Variants in ABCA13 observed in about 807,000 individuals in gnomAD.
The protein encoded by ABCA13 is ATP-binding cassette sub-family A member 13.
In ABCA13, 476 loss-of-function variants were observed where a neutral mutation model predicts 478.7. That is an observed-to-expected ratio of 0.99 (90% CI 0.92 to 1.07). ABCA13 has a LOEUF of 1.07. Among genes scored for constraint, ABCA13 ranks in the 50% least tolerant of loss-of-function variants. The probability of loss-of-function intolerance (pLI) is 0.00; values close to 1 mark genes in which losing one functional copy is unlikely to be tolerated. For missense variants in ABCA13, 6,060 were observed against 5,910.6 expected (o/e 1.03, Z -0.83); for synonymous variants, 2,252 against 2,158.9 (o/e 1.04, Z -1.20).
chr7:48,493,043 A>T (rs530789895), intron 48 of ABCA13, among the ~76,000 whole-genome samples: 1 of 152,292 alleles, frequency 6.6e-6, no homozygotes, highest in South Asian at 2.1e-4. Context: ...AGTCTCAGGT[A>T]TTCTATTATA....
In ABCA13 at chr7:48,511,108, CTG is replaced by C; in HGVS notation, c.13555_13556del (p.Val4519CysfsTer80). The C allele has an allele frequency of 1.2e-6, 2 of 1,613,648 alleles. No homozygotes were observed. Among genetic ancestry groups the C allele is most frequent in the Non-Finnish European group, 1.7e-6 (2 of 1,179,670 alleles). ...DMLFYLVSVC[L>X]CVAVIVAFQL... is the part of the protein sequence containing the mutation. ...GCTCTTTTACTTGGTTTCCGTCTGC[CTG>C]TGTGTTGCCGTTATTGTCGCCTTCC... On this transcript the variant is annotated frameshift_variant, in exon 51 of 62. Transcript: ENST00000435803. LOFTEE classifies it high-confidence loss of function.
At chr7:48,588,154 T>A (rs533831527) in intron 57 of ABCA13, among the ~76,000 whole-genome samples, 1 of 152,330 alleles carries the variant, frequency 6.6e-6, no homozygotes, top group African/African-American at 2.4e-5. Flanking sequence ...CGTTTGCTGG[T>A]TGTCTCCTGG....
At chr7:48,369,560 A>AT (rs982192436) in intron 32 of ABCA13, among the ~76,000 whole-genome samples, 2 of 152,036 alleles carry the variant, frequency 1.3e-5, no homozygotes, top group African/African-American at 4.8e-5. Flanking sequence ...CCTTGAGTTG[A>AT]TTTTTGTATA....
chr7:48,628,125 A>T (rs578215064), intron 59 of ABCA13, among the ~76,000 whole-genome samples: 1 of 152,274 alleles, frequency 6.6e-6, no homozygotes, highest in South Asian at 2.1e-4. Context: ...TCCCAAGAAA[A>T]ACACATGACT....
chr7:48,481,199 A>T, intron 46 of ABCA13, 45 bp downstream of exon 46: 1 of 1,404,662 alleles, frequency 7.1e-7, no homozygotes, highest in Non-Finnish European at 9.8e-7. Flanking sequence ...TTGGATTACT[A>T]TGGAAAACTT....
chr7:48,175,030 C>T (rs1293827567), intron 1 of ABCA13, among the ~76,000 whole-genome samples: 1 of 152,182 alleles, frequency 6.6e-6, no homozygotes, highest in African/African-American at 2.4e-5. Context: ...GGTAAGGAAA[C>T]ATTGCTTTTG....
intron 7 of ABCA13, among the ~76,000 whole-genome samples, chr7:48,232,190 C>T (rs948841245): frequency 1.1e-4 from 11 of 102,570 alleles, no homozygotes; most frequent in African/African-American, 3.6e-4. Flanking sequence ...AAAGCTAGCT[C>T]ATTAACGTTT....
At chr7:48,341,833 GATATATATATATATA>G (rs1563084371) in intron 29 of ABCA13, among the ~76,000 whole-genome samples, 15 of 71,348 alleles carry the variant, frequency 2.1e-4, no homozygotes, top group African/African-American at 7.1e-4. Flanking sequence ...ATATCTTTCT[GATATATATATATATA>G]TCTTTCTGAT....
At chr7:48,281,530 T>C in intron 19 of ABCA13, 78 bp downstream of exon 19, 1 of 1,252,118 alleles carries the variant, frequency 8.0e-7, no homozygotes, top group Non-Finnish European at 1.1e-6. Context: ...GAGATGAGTA[T>C]ATTGCACTTG....
chr7:48,213,072 A>T (rs1785914529), intron 3 of ABCA13, among the ~76,000 whole-genome samples: 1 of 151,998 alleles, frequency 6.6e-6, no homozygotes, highest in Non-Finnish European at 1.5e-5. Context: ...TTATAGGTAC[A>T]ATTTATTTTC....
chr7:48,334,457 C>G (rs1225334763), intron 27 of ABCA13, among the ~76,000 whole-genome samples: 1 of 151,990 alleles, frequency 6.6e-6, no homozygotes, highest in Non-Finnish European at 1.5e-5. Flanking sequence ...GCCTCAGCCT[C>G]CCAAGTAGCT....
chr7:48,245,990 C>A lies in ABCA13; in HGVS notation c.1619C>A (p.Thr540Lys). 1 of 1,613,612 alleles carries A rather than the reference C, an allele frequency of 6.2e-7. No individual in the cohort carries two copies. The highest frequency in any genetic ancestry group is 8.5e-7 in the Non-Finnish European group (1 of 1,179,708). The change falls in exon 13 of 62, where the codon ACG becomes AAG. Residue 540 changes from threonine (T) to lysine (K), a missense_variant. Thr to Lys is a moderately conservative substitution (Grantham distance 78). Transcript: ENST00000435803. ...GLLCYCNSSE[T>K]SVLNKLLGSV... ...TTGTGCTATTGTAACTCCTCTGAGACGAGTGTTTTAAACAAGCTACTTGGT... is the reference window on the plus strand; with the variant it reads ...TTGTGCTATTGTAACTCCTCTGAGAAGAGTGTTTTAAACAAGCTACTTGGT...
chr7:48,592,960 A>G (rs781099748), intron 57 of ABCA13, among the ~76,000 whole-genome samples: 1 of 151,948 alleles, frequency 6.6e-6, no homozygotes, highest in African/African-American at 2.4e-5. Flanking sequence ...TGTGTATCCA[A>G]AAAAACTGTA....
intron 3 of ABCA13, among the ~76,000 whole-genome samples, chr7:48,199,561 T>C (rs980346687): frequency 2.0e-5 from 3 of 152,140 alleles, no homozygotes; most frequent in African/African-American, 7.2e-5. Context: ...ACGTAAAAAT[T>C]TGGGGATGGG....
At chr7:48,582,734 T>C (rs1198554754) in intron 56 of ABCA13, among the ~76,000 whole-genome samples, 1 of 152,164 alleles carries the variant, frequency 6.6e-6, no homozygotes, top group Non-Finnish European at 1.5e-5. Flanking sequence ...TATGGTCAAA[T>C]TGCTCACTTC....
At chr7:48,246,241 C>T (rs1057234187) in intron 13 of ABCA13, among the ~76,000 whole-genome samples, 6 of 152,156 alleles carry the variant, frequency 3.9e-5, no homozygotes, top group Admixed American at 2.6e-4. Flanking sequence ...CTGGCCAAAA[C>T]CTACTTGAAA....
chr7:48,189,832 T>A (rs965471500), intron 1 of ABCA13, among the ~76,000 whole-genome samples: 19 of 152,084 alleles, frequency 1.2e-4, no homozygotes, highest in Non-Finnish European at 2.1e-4. Flanking sequence ...AAATACAAAG[T>A]TGGAGAAAGT....
chr7:48,320,486 G>A (rs181887055), intron 27 of ABCA13, among the ~76,000 whole-genome samples: 23 of 152,258 alleles, frequency 1.5e-4, no homozygotes, highest in Admixed American at 1.1e-3. Context: ...CTCAGTATTT[G>A]CAAAGAAATT....
intron 59 of ABCA13, among the ~76,000 whole-genome samples, chr7:48,633,575 A>C (rs764045660): frequency 9.9e-5 from 15 of 152,100 alleles, no homozygotes; most frequent in Admixed American, 2.0e-4. Flanking sequence ...ACCACAATGG[A>C]ATATAAAAAA....
Sources: allele counts gnomAD v4.1 joint callset (sites outside exome capture counted in the v4.1 genomes callset), GRCh38; gene constraint gnomAD v4.1.1; transcripts MANE v1.5; gene names NCBI Gene and HGNC (gene_info 2026-07-23, HGNC 2026-07-21).